Variants in DAB1 observed in about 807,000 individuals in gnomAD.
The protein encoded by DAB1 is DAB adaptor protein 1.
Under a neutral mutation model 64.6 loss-of-function variants are expected in DAB1, and 15 were observed. The ratio of observed to expected loss-of-function variants is 0.23; its 90% CI spans 0.16 to 0.36. The LOEUF (loss-of-function observed/expected upper bound fraction) is 0.36. Among genes scored for constraint, DAB1 ranks in the 10% least tolerant of loss-of-function variants. DAB1 has a pLI of 1.00. For missense variants in DAB1, 596 were observed against 706.7 expected, an observed-to-expected ratio of 0.84 and a Z score of 1.78; for synonymous variants, 235 against 251.9, an observed-to-expected ratio of 0.93 and a Z score of 0.64.
chr1:58,374,702 T>C (rs2100539910), intron 3 of DAB1, among the ~76,000 whole-genome samples: 2 of 140,312 alleles, frequency 1.4e-5, no homozygotes, highest in South Asian at 4.7e-4. Context: ...AGTAGTTTTT[T>C]CCAATTCTGT....
chr1:57,122,524 C>T (rs1570733322), intron 4 of DAB1, among the ~76,000 whole-genome samples: 1 of 152,094 alleles, frequency 6.6e-6, no homozygotes, highest in Admixed American at 6.6e-5. Flanking sequence ...GAGAAATAAC[C>T]TCAAGAGGTT....
At chr1:57,556,437 T>C (rs549879451) in intron 7 of DAB1, among the ~76,000 whole-genome samples, 2 of 152,136 alleles carry the variant, frequency 1.3e-5, no homozygotes, top group East Asian at 1.9e-4. Flanking sequence ...CACTCCAACA[T>C]CTATTTTTTT....
chr1:58,199,568 C>CA (rs1332269668), intron 4 of DAB1, among the ~76,000 whole-genome samples: 1 of 152,106 alleles, frequency 6.6e-6, no homozygotes. Context: ...GTCTACTTCT[C>CA]AGAACAGTAC....
intron 6 of DAB1, among the ~76,000 whole-genome samples, chr1:57,755,310 C>T (rs1170756079): frequency 1.3e-5 from 2 of 152,060 alleles, no homozygotes; most frequent in African/African-American, 4.8e-5. Context: ...GTATTCCTAT[C>T]CATGAATAGG....
chr1:57,032,591 G>A (rs1216826961), intron 9 of DAB1, among the ~76,000 whole-genome samples: 2 of 152,114 alleles, frequency 1.3e-5, no homozygotes, highest in Non-Finnish European at 2.9e-5. Flanking sequence ...CAGATCAGTG[G>A]TTCTCAACCT....
At chr1:57,686,146 C>T (rs1363243383) in intron 6 of DAB1, among the ~76,000 whole-genome samples, 2 of 152,010 alleles carry the variant, frequency 1.3e-5, no homozygotes, top group Non-Finnish European at 2.9e-5. Flanking sequence ...AACAAGATTG[C>T]TAGAGCACTA....
At chr1:58,249,641 A>G (rs1426672018) in intron 4 of DAB1, among the ~76,000 whole-genome samples, 4 of 151,974 alleles carry the variant, frequency 2.6e-5, no homozygotes, top group African/African-American at 9.7e-5. Context: ...ACAGGACTGA[A>G]CCCCCCGGAA....
intron 14 of DAB1, among the ~76,000 whole-genome samples, chr1:57,001,900 T>C (rs1315643773): frequency 6.6e-6 from 1 of 152,192 alleles, no homozygotes; most frequent in Non-Finnish European, 1.5e-5. Context: ...CAGATCTCTG[T>C]CTTCACTCCT....
chr1:58,384,413 C>G (rs1489447973), intron 3 of DAB1, among the ~76,000 whole-genome samples: 1 of 152,014 alleles, frequency 6.6e-6, no homozygotes, highest in Non-Finnish European at 1.5e-5. Context: ...GTTACAGTTA[C>G]CTAAAATAAG....
chr1:58,448,694 A>C (rs1466771332), intron 3 of DAB1, among the ~76,000 whole-genome samples: 2 of 152,200 alleles, frequency 1.3e-5, no homozygotes, highest in African/African-American at 4.8e-5. Flanking sequence ...CAAGCACAAG[A>C]GATGACTATA....
At chr1:57,440,279 G>C (rs937282031) in intron 7 of DAB1, among the ~76,000 whole-genome samples, 1 of 152,148 alleles carries the variant, frequency 6.6e-6, no homozygotes, top group Non-Finnish European at 1.5e-5. Context: ...ATCTCTTAGA[G>C]TAGATGCTAA....
At chr1:57,394,830 C>A (rs1430881349) in intron 1 of DAB1, among the ~76,000 whole-genome samples, 1 of 152,094 alleles carries the variant, frequency 6.6e-6, no homozygotes, top group South Asian at 2.1e-4. Context: ...ACTTATTTGA[C>A]CAAAGGAAAC....
intron 4 of DAB1, among the ~76,000 whole-genome samples, chr1:57,108,982 G>A (rs1264630782): frequency 6.6e-6 from 1 of 152,178 alleles, no homozygotes; most frequent in African/African-American, 2.4e-5. Context: ...CATCTTTGAT[G>A]TACTGTCACT....
chr1:57,776,889 C>A (rs938564377), intron 6 of DAB1, among the ~76,000 whole-genome samples: 9 of 151,718 alleles, frequency 5.9e-5, no homozygotes, highest in Non-Finnish European at 1.2e-4. Context: ...CACATGTTTA[C>A]CATTTCTGGT....
chr1:58,531,613 C>T (rs1503647), intron 1 of DAB1, among the ~76,000 whole-genome samples: 17,653 of 152,152 alleles, frequency 0.12, 1,206 homozygotes, highest in African/African-American at 0.18. Flanking sequence ...TGTCCCTTAA[C>T]AAATATTGTA....
intron 9 of DAB1, among the ~76,000 whole-genome samples, chr1:57,030,988 A>G (rs1646948796): frequency 6.6e-6 from 1 of 152,214 alleles, no homozygotes; most frequent in African/African-American, 2.4e-5. Context: ...AATGTGTTGA[A>G]CTCATGGCAT....
chr1:58,393,941 A>G (rs1199336985), intron 3 of DAB1, among the ~76,000 whole-genome samples: 1 of 152,238 alleles, frequency 6.6e-6, no homozygotes, highest in Non-Finnish European at 1.5e-5. Flanking sequence ...TAATCATTCC[A>G]TTATGTAAAC....
At chr1:58,196,511 G>A (rs1179992716) in intron 4 of DAB1, among the ~76,000 whole-genome samples, 1 of 152,150 alleles carries the variant, frequency 6.6e-6, no homozygotes, top group East Asian at 1.9e-4. Context: ...CAGTATTCCA[G>A]GTATATTAAT....
At chr1:57,480,724 A>G (rs1304216407) in intron 7 of DAB1, among the ~76,000 whole-genome samples, 1 of 152,112 alleles carries the variant, frequency 6.6e-6, no homozygotes, top group Admixed American at 6.5e-5. Context: ...ACCCCAAGTG[A>G]TCTGCCCTTC....
Sources: gnomAD v4.1 joint callset for allele counts (sites outside exome capture counted in the v4.1 genomes callset) on GRCh38, gnomAD v4.1.1 for gene constraint, MANE v1.5 for transcripts, NCBI Gene and HGNC (gene_info 2026-07-23, HGNC 2026-07-21) for gene names.